The following BRIP1 variants were observed in gnomAD, a reference collection of about 807,000 sequenced individuals.
The protein encoded by BRIP1 is Fanconi anemia group J protein.
A neutral mutation model predicts 119.7 loss-of-function variants in BRIP1; 88 were observed. The ratio of observed to expected loss-of-function variants is 0.74; its 90% CI spans 0.62 to 0.88. The LOEUF is 0.88. Among genes scored for constraint, BRIP1 ranks in the 40% least tolerant of loss-of-function variants. The pLI is 0.00. For synonymous variants in BRIP1, 443 were observed against 496.5 expected, an observed-to-expected ratio of 0.89 and a Z score of 1.43; for missense variants, 1,259 against 1,455.4, an observed-to-expected ratio of 0.87 and a Z score of 2.20.
chr17:61,740,704 A>G lies in BRIP1; in HGVS notation c.2379+2309T>C, dbSNP rs1404814826. 6.6e-6 allele frequency among the ~76,000 whole-genome samples: 1 copy of G among 152,228 alleles called. No homozygotes were observed. The highest frequency in any genetic ancestry group is 2.4e-5 in the African/African-American group (1 of 41,456). On this transcript the variant is annotated intron_variant, in intron 16 of 19. Transcript: ENST00000259008. This position sits in a 1 kb window ranked among gnomAD's most constrained non-coding sequence, Gnocchi z 5.4. ...CTATGTTTACACTATACTGCAGTCT[A>G]TTAAGTGGGCAACAGCATTATGTCT...
At chr17:61,765,381 A>C (rs9911657) in intron 14 of BRIP1, among the ~76,000 whole-genome samples, 5 of 28,184 alleles carry the variant, frequency 1.8e-4, no homozygotes, top group Non-Finnish European at 3.0e-4. Flanking sequence ...TGTATATATT[A>C]TATATATATA....
At chr17:61,771,516 C>G (rs2077447786) in intron 14 of BRIP1, among the ~76,000 whole-genome samples, 2 of 152,088 alleles carry the variant, frequency 1.3e-5, no homozygotes, top group African/African-American at 4.8e-5. Context: ...AGATACTACA[C>G]TTTATACCCA....
chr17:61,778,459 T>C lies in BRIP1; in HGVS notation c.1935+1802A>G, dbSNP rs2145054112. 1.3e-5 allele frequency among the ~76,000 whole-genome samples: 2 copies of C among 152,290 alleles called. No homozygotes were observed. The highest frequency in any genetic ancestry group is 3.9e-4 in the East Asian group (2 of 5,184). On this transcript the variant is annotated intron_variant, in intron 13 of 19. Transcript: ENST00000259008. This position sits in a 1 kb window ranked among gnomAD's most constrained non-coding sequence, Gnocchi z 4.4. ...TAAGACTGAGCTGTATACTCAAAAA[T>C]GGTTAAGATGGTAAATTTTATATAT...
Position 61,842,219 on chromosome 17 carries a change from G to A in BRIP1, c.627+4882C>T, listed in dbSNP as rs1157639469. On this transcript the variant is annotated intron_variant, in intron 6 of 19. Transcript: ENST00000259008. The surrounding 1 kb of genome is among the most constrained non-coding windows in gnomAD (Gnocchi z 5.1). ...TACTGTATGTTCTTACTCATATGTAGGAGCTAAAAAAAATGAGCTCATAGA... is the reference window on the plus strand; with the variant it reads ...TACTGTATGTTCTTACTCATATGTAAGAGCTAAAAAAAATGAGCTCATAGA... Among the ~76,000 whole-genome samples, 1 of 151,972 alleles carries A rather than the reference G, an allele frequency of 6.6e-6. No individual in the cohort carries two copies. The highest frequency in any genetic ancestry group is 2.4e-5 in the African/African-American group (1 of 41,356).
rs1455503004 is a variant in BRIP1 at position 61,745,550 on chromosome 17, G to A, written c.2098-959C>T. Among the ~76,000 whole-genome samples, 1 of 152,132 alleles carries A rather than the reference G, an allele frequency of 6.6e-6. No individual in the cohort carries two copies. The highest frequency in any genetic ancestry group is 1.5e-5 in the Non-Finnish European group (1 of 68,018). ...CACCCAGCTAATTTTTATATTTTGTGTAGAGATGAGATCCTGCTTTGTTGC... is the reference window on the plus strand; with the variant it reads ...CACCCAGCTAATTTTTATATTTTGTATAGAGATGAGATCCTGCTTTGTTGC... On this transcript the variant is annotated intron_variant, in intron 14 of 19. Coordinates refer to ENST00000259008, the MANE Select transcript of BRIP1 (RefSeq NM_032043.3). This position sits in a 1 kb window ranked among gnomAD's most constrained non-coding sequence, Gnocchi z 4.4.
In BRIP1 at chr17:61,681,136, A is replaced by G. The variant is rs2061264499; in HGVS notation, c.*2160T>C. The G allele has an allele frequency of 5.3e-6, 1 of 188,892 alleles. No individual in the cohort carries two copies. The highest frequency in any genetic ancestry group is 1.1e-5 in the Non-Finnish European group (1 of 89,944). The allele number at this position is 188,892 out of a possible 1,614,324, so 11.7% of individuals were successfully genotyped here. A position where few individuals can be genotyped will look rare whatever the true frequency, so the allele number is the denominator to read the frequency against. ...TGAGGGTAACCGCCCCCACGATTCA[A>G]TTACCTCCCACTGGGTCCTTCCCAC... On this transcript the variant is annotated 3_prime_UTR_variant, in exon 20 of 20. Transcript: ENST00000259008. The surrounding 1 kb of genome is among the most constrained non-coding windows in gnomAD (Gnocchi z 5.1).
chr17:61,688,956 A>C (rs1200205635), intron 18 of BRIP1, among the ~76,000 whole-genome samples: 2 of 151,722 alleles, frequency 1.3e-5, no homozygotes, highest in South Asian at 2.1e-4. Context: ...GTTCATCAGC[A>C]GACTTGATCA....
intron 6 of BRIP1, among the ~76,000 whole-genome samples, chr17:61,829,127 A>G (rs542968877): frequency 1.3e-5 from 2 of 152,286 alleles, no homozygotes; most frequent in South Asian, 2.1e-4. Flanking sequence ...TGTAAATAGT[A>G]TAAGTGTTCC....
At chr17:61,723,962 T>G (rs1017188775) in intron 16 of BRIP1, among the ~76,000 whole-genome samples, 2 of 152,168 alleles carry the variant, frequency 1.3e-5, no homozygotes, top group African/African-American at 4.8e-5. Flanking sequence ...CTCATTTAAA[T>G]AACCTGTTTA....
At position 61,804,954 on chromosome 17, in the gene BRIP1, C is replaced by CTG. The variant is rs59414906; in HGVS notation, c.919-3482_919-3481dup. Among the ~76,000 whole-genome samples the CTG allele has an allele frequency of 5.0e-3, 696 of 139,214 alleles. 2 individuals carry two copies. Among genetic ancestry groups the CTG allele is most frequent in the East Asian group, 0.015 (69 of 4,708 alleles). The allele number at this position is 139,214 out of a possible 152,430, so 91.3% of individuals were successfully genotyped here. A position where few individuals can be genotyped will look rare whatever the true frequency, so the allele number is the denominator to read the frequency against. ...GGCAGGATGAAATGTCTCTCTCTTT[C>CTG]TGTGTGTGTGTGTGTGTGTGTGTGT... is the stretch of plus-strand genomic sequence containing the variant. On this transcript the variant is annotated intron_variant, in intron 7 of 19. Transcript: ENST00000259008. This position sits in a 1 kb window ranked among gnomAD's most constrained non-coding sequence, Gnocchi z 4.5.
rs1021811796 is a variant in BRIP1 at position 61,780,204 on chromosome 17, T to A, written c.1935+57A>T. 72 of 1,537,366 alleles carry A rather than the reference T, an allele frequency of 4.7e-5. No homozygotes were observed. Among genetic ancestry groups the A allele is most frequent in the Non-Finnish European group, 6.3e-5 (70 of 1,117,502 alleles). On this transcript the variant is annotated intron_variant, in intron 13 of 19. Transcript: ENST00000259008. The surrounding 1 kb of genome is among the most constrained non-coding windows in gnomAD (Gnocchi z 5.4). ...TCAGGTATCTTCTAACTTGTTTACA[T>A]AGTTATATTGAAGTAGAAACACTGA...
intron 18 of BRIP1, among the ~76,000 whole-genome samples, chr17:61,688,342 A>G (rs1473592027): frequency 1.3e-5 from 2 of 152,118 alleles, no homozygotes; most frequent in Admixed American, 6.5e-5. Flanking sequence ...TTAACTGGGT[A>G]TAGTGGTGTA....
chr17:61,819,428 C>T (rs1381270209), intron 6 of BRIP1, among the ~76,000 whole-genome samples: 4 of 152,164 alleles, frequency 2.6e-5, no homozygotes, highest in African/African-American at 7.2e-5. Flanking sequence ...TATCTGCACT[C>T]TCATGTTTAT....
intron 14 of BRIP1, among the ~76,000 whole-genome samples, chr17:61,747,326 A>G (rs2077071241): frequency 6.6e-6 from 1 of 152,152 alleles, no homozygotes; most frequent in Non-Finnish European, 1.5e-5. Flanking sequence ...TTAAGATTAG[A>G]GCAGAAATAA....
In BRIP1 at chr17:61,758,405, T is replaced by G. The variant is rs924740166; in HGVS notation, c.2098-13814A>C. 6.6e-6 allele frequency among the ~76,000 whole-genome samples: 1 copy of G among 152,200 alleles called. No homozygotes were observed. Among genetic ancestry groups the G allele is most frequent in the Non-Finnish European group, 1.5e-5 (1 of 68,040 alleles). On this transcript the variant is annotated intron_variant, in intron 14 of 19. Coordinates refer to ENST00000259008, the MANE Select transcript of BRIP1 (RefSeq NM_032043.3). The surrounding 1 kb of genome is among the most constrained non-coding windows in gnomAD (Gnocchi z 5.3). The stretch of plus-strand genomic sequence containing the variant: ...ATTCAGGCTGAGGGAAGCAGATGAA[T>G]AAGAAGCAACCACTATAATGTTACC...
intron 16 of BRIP1, among the ~76,000 whole-genome samples, chr17:61,723,925 A>G (rs1447000819): frequency 6.6e-6 from 1 of 152,146 alleles, no homozygotes; most frequent in African/African-American, 2.4e-5. Context: ...AACTTTGGCT[A>G]TCTCACCACT....
rs1244487751 is a variant in BRIP1 at position 61,729,070 on chromosome 17, C to T, written c.2380-13007G>A. 1.3e-5 allele frequency among the ~76,000 whole-genome samples: 2 copies of T among 151,872 alleles called. No homozygotes were observed. Among genetic ancestry groups the T allele is most frequent in the African/African-American group, 4.8e-5 (2 of 41,350 alleles). ...CTGAGGCGGGCGGATCTTCTGAGGTCGGGAGTTCGAGACCAGCCTGACCAA... is the reference window on the plus strand; with the variant it reads ...CTGAGGCGGGCGGATCTTCTGAGGTTGGGAGTTCGAGACCAGCCTGACCAA... On this transcript the variant is annotated intron_variant, in intron 16 of 19. Coordinates refer to ENST00000259008, the MANE Select transcript of BRIP1 (RefSeq NM_032043.3). This position sits in a 1 kb window ranked among gnomAD's most constrained non-coding sequence, Gnocchi z 5.6.
rs536113408 is a variant in BRIP1, at chr17:61,736,154, C to T, written c.2379+6859G>A. On this transcript the variant is annotated intron_variant, in intron 16 of 19. Transcript: ENST00000259008. This position sits in a 1 kb window ranked among gnomAD's most constrained non-coding sequence, Gnocchi z 4.4. The stretch of plus-strand genomic sequence containing the variant: ...CAGCTTGTACAACATAGCAAGACCT[C>T]GCCTCTCCAAAAAAAAAAAAAAGTT... Among the ~76,000 whole-genome samples the T allele has an allele frequency of 6.6e-6, 1 of 150,426 alleles. No individual in the cohort carries two copies. The highest frequency in any genetic ancestry group is 2.1e-4 in the South Asian group (1 of 4,730).
chr17:61,731,979 T>C (rs947397480), intron 16 of BRIP1, among the ~76,000 whole-genome samples: 4 of 132,042 alleles, frequency 3.0e-5, no homozygotes, highest in Non-Finnish European at 4.6e-5. Flanking sequence ...CTTTCTTTCT[T>C]TCTTTTTTTT....
Sources: allele counts gnomAD v4.1 joint callset (sites outside exome capture counted in the v4.1 genomes callset), GRCh38; gene constraint gnomAD v4.1.1; non-coding constraint Gnocchi (gnomAD v3.1); transcripts MANE v1.5; gene names NCBI Gene and HGNC (gene_info 2026-07-23, HGNC 2026-07-21).